Variants in PTPRD observed in about 807,000 individuals in gnomAD.
The protein encoded by PTPRD is protein tyrosine phosphatase receptor type D.
In PTPRD, 34 loss-of-function variants were observed where a neutral mutation model predicts 214.5. That is an observed-to-expected ratio of 0.16 (90% CI 0.12 to 0.21). The LOEUF (loss-of-function observed/expected upper bound fraction) is 0.21, where lower values mean the gene tolerates loss of function less well. Among genes scored for constraint, PTPRD ranks in the 10% least tolerant of loss-of-function variants. PTPRD has a pLI of 1.00. For synonymous variants in PTPRD, 1,128 were observed against 845.7 expected (o/e 1.33, Z -5.79); for missense variants, 2,545 against 2,398.7 (o/e 1.06, Z -1.27).
At chr9:10,207,293 A>G (rs1330420962) in intron 3 of PTPRD, among the ~76,000 whole-genome samples, 2 of 152,092 alleles carry the variant, frequency 1.3e-5, no homozygotes, top group Non-Finnish European at 2.9e-5. Context: ...AATTCAGCAT[A>G]ACATTTTTGA....
intron 11 of PTPRD, among the ~76,000 whole-genome samples, chr9:8,766,213 A>G (rs1279125686): frequency 1.3e-5 from 2 of 150,934 alleles, no homozygotes; most frequent in Non-Finnish European, 2.9e-5. Flanking sequence ...ATCAATCCCC[A>G]GCCGAGGCCA....
At chr9:9,166,020 A>C (rs1409187017) in intron 10 of PTPRD, among the ~76,000 whole-genome samples, 3 of 152,132 alleles carry the variant, frequency 2.0e-5, no homozygotes, top group Non-Finnish European at 4.4e-5. Context: ...AGTCAGGTAC[A>C]ATTGTCTGTC....
chr9:9,125,851 G>A (rs561339234), intron 10 of PTPRD, among the ~76,000 whole-genome samples: 1 of 152,286 alleles, frequency 6.6e-6, no homozygotes, highest in South Asian at 2.1e-4. Context: ...ATGGGGTAAA[G>A]TTGTTTTAGG....
intron 2 of PTPRD, among the ~76,000 whole-genome samples, chr9:10,402,794 G>C (rs1330823011): frequency 2.6e-5 from 4 of 151,590 alleles, no homozygotes; most frequent in Non-Finnish European, 5.9e-5. Context: ...AAGGTCTCCA[G>C]TCATCTAATG....
At chr9:10,386,229 C>G (rs571398509) in intron 2 of PTPRD, among the ~76,000 whole-genome samples, 2 of 151,966 alleles carry the variant, frequency 1.3e-5, no homozygotes, top group Non-Finnish European at 2.9e-5. Flanking sequence ...ACCACCAACA[C>G]ACACGTACAG....
intron 3 of PTPRD, among the ~76,000 whole-genome samples, chr9:10,167,821 T>C (rs2099168845): frequency 6.6e-6 from 1 of 152,194 alleles, no homozygotes. Context: ...TAAGAGTTGA[T>C]ACTGTGTGAT....
At chr9:8,741,507 A>G (rs1475681591) in intron 11 of PTPRD, among the ~76,000 whole-genome samples, 1 of 149,756 alleles carries the variant, frequency 6.7e-6, no homozygotes, top group Non-Finnish European at 1.5e-5. Flanking sequence ...TAGATATGCA[A>G]TCCAGCCACT....
chr9:8,988,388 T>C (rs1161201953), intron 11 of PTPRD, among the ~76,000 whole-genome samples: 1 of 152,114 alleles, frequency 6.6e-6, no homozygotes, highest in Non-Finnish European at 1.5e-5. Context: ...CAGTGACATC[T>C]ATTAGGGCTA....
At chr9:10,346,667 T>C (rs1360834952) in intron 2 of PTPRD, among the ~76,000 whole-genome samples, 1 of 152,172 alleles carries the variant, frequency 6.6e-6, no homozygotes, top group Non-Finnish European at 1.5e-5. Context: ...GAGTTGTAGA[T>C]AATATTTGAC....
At chr9:8,537,796 T>C (rs573775041) in intron 14 of PTPRD, among the ~76,000 whole-genome samples, 2 of 151,994 alleles carry the variant, frequency 1.3e-5, no homozygotes, top group Non-Finnish European at 2.9e-5. Context: ...TTAGAAGCAA[T>C]GCATGCAATC....
At chr9:10,287,078 T>A (rs922061930) in intron 3 of PTPRD, among the ~76,000 whole-genome samples, 4 of 152,174 alleles carry the variant, frequency 2.6e-5, no homozygotes, top group Admixed American at 6.5e-5. Flanking sequence ...ATAAAAAAGA[T>A]GTTTTACTCA....
At chr9:8,837,362 G>A (rs1438518054) in intron 11 of PTPRD, among the ~76,000 whole-genome samples, 1 of 152,084 alleles carries the variant, frequency 6.6e-6, no homozygotes. Context: ...GGAAACATGA[G>A]GCATATAAAG....
At chr9:8,318,667 C>G (rs1318677881) in intron 45 of PTPRD, among the ~76,000 whole-genome samples, 1 of 151,998 alleles carries the variant, frequency 6.6e-6, no homozygotes, top group East Asian at 1.9e-4. Context: ...TCAAAAAATA[C>G]CTGTAAATTC....
intron 5 of PTPRD, among the ~76,000 whole-genome samples, chr9:9,783,140 A>T (rs2098872693): frequency 6.6e-6 from 1 of 152,340 alleles, no homozygotes; most frequent in African/African-American, 2.4e-5. Context: ...TCTCCCACGC[A>T]ACAGTAATTC....
rs1587744474 is a variant in PTPRD, at chr9:8,903,789, T to TC, written c.-104+114907_-104+114908insG. On this transcript the variant is annotated intron_variant, in intron 11 of 45. Transcript: ENST00000381196. Reference sequence around the variant, plus strand: ...GAAATTTGATTACTATTTAAAAGACTACTCTGTAAAGCAATATCCTACAAG... The same window carrying TC: ...GAAATTTGATTACTATTTAAAAGACTCACTCTGTAAAGCAATATCCTACAAG... 5.8e-3 allele frequency among the ~76,000 whole-genome samples: 876 copies of TC among 150,538 alleles called. 10 individuals are homozygous for TC. The highest frequency in any genetic ancestry group is 0.02 in the African/African-American group (803 of 39,908).
chr9:9,619,229 T>A (rs112839487), intron 7 of PTPRD, among the ~76,000 whole-genome samples: 52 of 152,086 alleles, frequency 3.4e-4, no homozygotes, highest in African/African-American at 1.2e-3. Flanking sequence ...AGGAGGGTTT[T>A]ATGGTTGTTT....
chr9:9,918,044 G>A (rs2081435552), intron 5 of PTPRD, among the ~76,000 whole-genome samples: 1 of 151,748 alleles, frequency 6.6e-6, no homozygotes, highest in South Asian at 2.1e-4. Context: ...CATAGTATTC[G>A]AAGTCCTACC....
At chr9:8,711,680 G>C (rs140088586) in intron 12 of PTPRD, among the ~76,000 whole-genome samples, 16 of 152,270 alleles carry the variant, frequency 1.1e-4, no homozygotes, top group African/African-American at 2.9e-4. Context: ...ATTCTGATTA[G>C]GTTGGTTGGG....
intron 9 of PTPRD, among the ~76,000 whole-genome samples, chr9:9,290,450 C>G (rs781355516): frequency 6.6e-6 from 1 of 151,500 alleles, no homozygotes; most frequent in East Asian, 1.9e-4. Flanking sequence ...TGCAGACATT[C>G]TCTAGTTGGA....
Sources: gnomAD v4.1 joint callset for allele counts (sites outside exome capture counted in the v4.1 genomes callset) on GRCh38, gnomAD v4.1.1 for gene constraint, MANE v1.5 for transcripts, NCBI Gene and HGNC (gene_info 2026-07-23, HGNC 2026-07-21) for gene names.